The following SCN10A variants were observed in gnomAD, a reference collection of about 807,000 sequenced individuals.
The protein encoded by SCN10A is sodium voltage-gated channel alpha subunit 10.
A neutral mutation model predicts 170.7 loss-of-function variants in SCN10A; 162 were observed. That is an observed-to-expected ratio of 0.95 (90% CI 0.84 to 1.08). The LOEUF (loss-of-function observed/expected upper bound fraction) is 1.08, where lower values mean the gene tolerates loss of function less well. SCN10A is among the 50% of genes least tolerant of loss of function. The probability of loss-of-function intolerance (pLI) is 0.00; values close to 1 mark genes in which losing one functional copy is unlikely to be tolerated. For missense variants in SCN10A, 2,527 were observed against 2,436.9 expected, an observed-to-expected ratio of 1.04 and a Z score of -0.78; for synonymous variants, 985 against 904.6, an observed-to-expected ratio of 1.09 and a Z score of -1.59.
intron 13 of SCN10A, among the ~76,000 whole-genome samples, chr3:38,746,175 C>T (rs1343824979): frequency 6.7e-6 from 1 of 148,376 alleles, no homozygotes; most frequent in Non-Finnish European, 1.5e-5. Flanking sequence ...TACCTAGATG[C>T]TCCAAGGGCA....
chr3:38,731,858 T>C (rs920658537), intron 15 of SCN10A, among the ~76,000 whole-genome samples: 4 of 152,132 alleles, frequency 2.6e-5, no homozygotes, highest in Non-Finnish European at 5.9e-5. Context: ...CACTAAACAT[T>C]TTCTAATAAA....
In SCN10A at chr3:38,698,131, C is replaced by A; in HGVS notation, c.5089G>T (p.Val1697Leu). The change falls in exon 28 of 28, where the codon GTA (valine) becomes TTA (leucine). Residue 1697 changes from valine to leucine, a missense_variant. Val to Leu is a conservative substitution (Grantham distance 32, BLOSUM62 1). Coordinates refer to ENST00000449082, the MANE Select transcript of SCN10A (RefSeq NM_006514.4). ...TAGGTGGTGAAGAAGATGATGCCTACGGCTGGGCTCCCACAGTCCCCTCTG... is the reference window on the plus strand; with the variant it reads ...TAGGTGGTGAAGAAGATGATGCCTAAGGCTGGGCTCCCACAGTCCCCTCTG... ...GTRGDCGSPAVGIIFFTTYII... is the reference protein window; with the variant it reads ...GTRGDCGSPALGIIFFTTYII... 6.2e-7 allele frequency: 1 copy of A among 1,614,088 alleles called. No individual in the cohort carries two copies. The highest frequency in any genetic ancestry group is 8.5e-7 in the Non-Finnish European group (1 of 1,180,002).
intron 21 of SCN10A, among the ~76,000 whole-genome samples, chr3:38,714,488 G>T (rs1208829463): frequency 6.6e-6 from 1 of 152,188 alleles, no homozygotes; most frequent in Non-Finnish European, 1.5e-5. Context: ...CTATTCTGAG[G>T]AATATAGTAA....
chr3:38,736,273 G>A (rs1176887995), intron 15 of SCN10A, among the ~76,000 whole-genome samples: 1 of 151,884 alleles, frequency 6.6e-6, no homozygotes, highest in Non-Finnish European at 1.5e-5. Flanking sequence ...TGAGGAGTCT[G>A]GATTTTATTC....
chr3:38,797,785 G>A (rs896420945), intron 1 of SCN10A, among the ~76,000 whole-genome samples: 1 of 152,198 alleles, frequency 6.6e-6, no homozygotes, highest in Non-Finnish European at 1.5e-5. Flanking sequence ...ATTGAGAACA[G>A]GACTAAGCCA....
At position 38,742,455 on chromosome 3, in the gene SCN10A, A is replaced by T. The variant is rs1553619038; in HGVS notation, c.1942T>A (p.Cys648Ser). The T allele has an allele frequency of 6.2e-7, 1 of 1,614,096 alleles. No homozygotes were observed. The highest frequency in any genetic ancestry group is 8.5e-7 in the Non-Finnish European group (1 of 1,180,052). Residue 648 changes from cysteine to serine, a missense_variant, in exon 14 of 28, where the codon TGC becomes AGC. By Grantham distance (112) the Cys-to-Ser change is moderately radical. Coordinates refer to ENST00000449082, the MANE Select transcript of SCN10A (RefSeq NM_006514.4). ...LSQKYLIWDC[C>S]PMWVKLKTIL... ...GTCTTGAGCTTCACCCACATGGGGC[A>T]GCAATCCCAGATCAGATACTTCTGA...
In SCN10A at chr3:38,697,225, T is replaced by TAACA; in HGVS notation, c.*123_*124insTGTT. The TAACA allele has an allele frequency of 2.0e-6, 3 of 1,473,964 alleles. No homozygotes were observed. Among genetic ancestry groups the TAACA allele is most frequent in the Non-Finnish European group, 2.7e-6 (3 of 1,104,528 alleles). 91.3% of individuals were successfully genotyped at this position (1,473,964 alleles called of 1,614,324 possible). ...ACCAGTTGCATTCCCTGCCCAGTTC[T>TAACA]GACATTGTGACCAGTGGCATGCATT... On this transcript the variant is annotated 3_prime_UTR_variant, in exon 28 of 28. Transcript: ENST00000449082.
Position 38,712,388 on chromosome 3 carries a change from A to AGACGAGGAG in SCN10A, c.3853_3861dup (p.Leu1285_Val1287dup), listed in dbSNP as rs755363786. 1 of 1,614,098 alleles carries AGACGAGGAG rather than the reference A, an allele frequency of 6.2e-7. No individual in the cohort carries two copies. Among genetic ancestry groups the AGACGAGGAG allele is most frequent in the Non-Finnish European group, 8.5e-7 (1 of 1,180,042 alleles). ...CTGAAGATGAGCCAGAAGATGAGGC[A>AGACGAGGAG]GACGAGGAGGACATTCATGATGGAT... On this transcript the variant is annotated inframe_insertion, in exon 23 of 28. Coordinates refer to ENST00000449082, the MANE Select transcript of SCN10A (RefSeq NM_006514.4).
At chr3:38,698,941 T>C (rs1460099632) in intron 27 of SCN10A, among the ~76,000 whole-genome samples, 1 of 152,108 alleles carries the variant, frequency 6.6e-6, no homozygotes, top group Non-Finnish European at 1.5e-5. Context: ...CAGACCCTGC[T>C]CCTCCCTGAT....
chr3:38,772,766 TAG>T (rs2064024696), intron 4 of SCN10A, among the ~76,000 whole-genome samples: 3 of 151,212 alleles, frequency 2.0e-5, no homozygotes, highest in Non-Finnish European at 4.4e-5. Context: ...CTAATATTTT[TAG>T]AGAGTTAAGA....
chr3:38,740,552 A>G (rs901322929), intron 14 of SCN10A, among the ~76,000 whole-genome samples: 2 of 152,210 alleles, frequency 1.3e-5, no homozygotes, highest in Non-Finnish European at 2.9e-5. Flanking sequence ...TAGGCAAGTC[A>G]GTGTGGTGTG....
chr3:38,739,161 T>C (rs900817765), intron 15 of SCN10A, among the ~76,000 whole-genome samples: 6 of 152,116 alleles, frequency 3.9e-5, no homozygotes, highest in Non-Finnish European at 7.4e-5. Flanking sequence ...ATGAGGTGCG[T>C]TTTTTCAAGT....
intron 1 of SCN10A, among the ~76,000 whole-genome samples, chr3:38,807,600 A>G (rs2064413607): frequency 6.6e-6 from 1 of 152,132 alleles, no homozygotes; most frequent in South Asian, 2.1e-4. Flanking sequence ...GTCATTAAAT[A>G]TCAGAACTTC....
chr3:38,732,283 A>G (rs1480424407), intron 15 of SCN10A, among the ~76,000 whole-genome samples: 1 of 152,210 alleles, frequency 6.6e-6, no homozygotes, highest in Non-Finnish European at 1.5e-5. Context: ...AGTAATATAC[A>G]TGACTTTTAG....
At chr3:38,811,727 G>A (rs1240321047) in intron 1 of SCN10A, among the ~76,000 whole-genome samples, 2 of 152,288 alleles carry the variant, frequency 1.3e-5, no homozygotes, top group Middle Eastern at 3.4e-3. Context: ...TGGGACTCCA[G>A]CTAATAAGAG....
chr3:38,761,747 C>T (rs1408915739), intron 6 of SCN10A, among the ~76,000 whole-genome samples: 8 of 151,922 alleles, frequency 5.3e-5, no homozygotes, highest in Admixed American at 5.2e-4. Context: ...AGTAATTTGG[C>T]ATCTGTCTTT....
chr3:38,804,045 T>G (rs937974922), intron 1 of SCN10A, among the ~76,000 whole-genome samples: 3 of 152,136 alleles, frequency 2.0e-5, no homozygotes, highest in Non-Finnish European at 1.5e-5. Context: ...TCTCAACCAC[T>G]TGAAGCCTAT....
chr3:38,749,563 G>C (rs1575997875), intron 13 of SCN10A, among the ~76,000 whole-genome samples: 2 of 152,168 alleles, frequency 1.3e-5, no homozygotes, highest in Non-Finnish European at 2.9e-5. Flanking sequence ...AATTAACAAG[G>C]ACTTAGTTAA....
At chr3:38,710,641 T>C (rs1290035504) in intron 24 of SCN10A, among the ~76,000 whole-genome samples, 1 of 151,382 alleles carries the variant, frequency 6.6e-6, no homozygotes, top group East Asian at 1.9e-4. Context: ...GCCTGGGGAG[T>C]GTAGATGAAA....
Sources: gnomAD v4.1 joint callset for allele counts (sites outside exome capture counted in the v4.1 genomes callset) on GRCh38, gnomAD v4.1.1 for gene constraint, MANE v1.5 for transcripts, NCBI Gene and HGNC (gene_info 2026-07-23, HGNC 2026-07-21) for gene names.